The following DOCK2 variants were observed in gnomAD, a reference collection of about 807,000 sequenced individuals.
DOCK2 encodes dedicator of cytokinesis 2.
A neutral mutation model predicts 248.9 loss-of-function variants in DOCK2; 87 were observed. That is an observed-to-expected ratio of 0.35 (90% confidence interval 0.29 to 0.42). DOCK2 has a LOEUF of 0.42. Among genes scored for constraint, DOCK2 ranks in the 10% least tolerant of loss-of-function variants. The probability of loss-of-function intolerance (pLI) is 1.00; values close to 1 mark genes in which losing one functional copy is unlikely to be tolerated. For missense variants in DOCK2, 1,747 were observed against 2,300.2 expected (o/e 0.76, Z 4.92); for synonymous variants, 805 against 821.6 (o/e 0.98, Z 0.35).
intron 34 of DOCK2, among the ~76,000 whole-genome samples, chr5:170,029,601 G>A (rs564968711): frequency 1.1e-4 from 17 of 152,120 alleles, no homozygotes; most frequent in Non-Finnish European, 2.1e-4. Context: ...TCCATCTCCA[G>A]GACTTGCTCC....
chr5:170,046,391 G>A (rs1477140237), intron 39 of DOCK2, among the ~76,000 whole-genome samples: 3 of 152,178 alleles, frequency 2.0e-5, no homozygotes, highest in Non-Finnish European at 4.4e-5. Context: ...TGCTTGTACT[G>A]CAGAAGCCTG....
At chr5:169,748,974 A>G (rs1221073094) in intron 23 of DOCK2, among the ~76,000 whole-genome samples, 2 of 152,252 alleles carry the variant, frequency 1.3e-5, no homozygotes, top group African/African-American at 4.8e-5. Context: ...CTACATGCCC[A>G]CATCTCTCTG....
At chr5:169,963,375 A>G (rs1777169025) in intron 27 of DOCK2, among the ~76,000 whole-genome samples, 1 of 152,100 alleles carries the variant, frequency 6.6e-6, no homozygotes, top group African/African-American at 2.4e-5. Context: ...TTAGGCCTCC[A>G]TCCCTCTCTG....
chr5:169,745,791 C>T (rs1763577799), intron 22 of DOCK2, among the ~76,000 whole-genome samples: 1 of 152,140 alleles, frequency 6.6e-6, no homozygotes, highest in South Asian at 2.1e-4. Context: ...GCCTGCCGGG[C>T]AGTGGGGATT....
intron 25 of DOCK2, among the ~76,000 whole-genome samples, chr5:169,779,578 G>A (rs767533012): frequency 1.6e-4 from 25 of 152,184 alleles, no homozygotes; most frequent in Non-Finnish European, 3.2e-4. Context: ...CTCACAAGAT[G>A]ATTAGGTGGT....
At chr5:169,823,727 C>T (rs183941856) in intron 26 of DOCK2, among the ~76,000 whole-genome samples, 194 of 152,316 alleles carry the variant, frequency 1.3e-3, no homozygotes, top group Admixed American at 3.6e-3. Context: ...GGGACGCCCT[C>T]TCTCACCACT....
At chr5:169,853,010 G>A (rs1208413549) in intron 27 of DOCK2, among the ~76,000 whole-genome samples, 2 of 152,188 alleles carry the variant, frequency 1.3e-5, no homozygotes, top group Non-Finnish European at 2.9e-5. Context: ...CCCATGTGTT[G>A]TGGGAGGGAC....
intron 34 of DOCK2, among the ~76,000 whole-genome samples, chr5:170,033,338 A>G (rs924904032): frequency 6.6e-6 from 1 of 152,198 alleles, no homozygotes; most frequent in African/African-American, 2.4e-5. Flanking sequence ...TTTTGTTTTT[A>G]AAATTTAGAA....
At chr5:170,066,210 G>A (rs12657091) in intron 44 of DOCK2, among the ~76,000 whole-genome samples, 16,157 of 151,850 alleles carry the variant, frequency 0.11, 1,304 homozygotes, top group African/African-American at 0.23. Context: ...TCGGCCTCCC[G>A]CAAATGAAAA....
chr5:170,077,558 C>A, intron 47 of DOCK2, 152 bp from the exon 48 acceptor site: 5 of 1,054,120 alleles, frequency 4.7e-6, no homozygotes, highest in Non-Finnish European at 6.8e-6. Flanking sequence ...TCTACAAGAA[C>A]GCCCTAGCCT....
rs1470105127 is a variant in DOCK2, at chr5:169,820,856, AG to A, written c.2703+17651del. On this transcript the variant is annotated intron_variant, in intron 26 of 51. Transcript: ENST00000520908. ...AGGAAGTTCGAACCAATGGCAAAGA[AG>A]TTAAAAACCTTGAAAAAAGATTAGA... is the stretch of plus-strand genomic sequence containing the variant. 2.6e-5 allele frequency among the ~76,000 whole-genome samples: 4 copies of A among 152,244 alleles called. No individual in the cohort carries two copies. In the East Asian group the frequency reaches 7.7e-4, roughly 29 times the overall value.
rs1308123474 is a variant in DOCK2, at chr5:169,864,131, TC to T, written c.2799+23281del. On this transcript the variant is annotated intron_variant, in intron 27 of 51. Coordinates refer to ENST00000520908, the MANE Select transcript of DOCK2 (RefSeq NM_004946.3). The stretch of plus-strand genomic sequence containing the variant: ...GGTGTCCAGCAGCGGCTACATCAGC[TC>T]CAAGGCTCTTCTGTTTCACAGGCCA... The T allele has an allele frequency of 1.9e-5, 14 of 734,790 alleles. 1 individual carries two copies. The East Asian group carries it at 3.8e-4, about 20-fold the overall frequency. The allele number at this position is 734,790 out of a possible 1,614,324, so 45.5% of individuals were successfully genotyped here. A position where few individuals can be genotyped will look rare whatever the true frequency, so the allele number is the denominator to read the frequency against.
chr5:170,008,209 ACAACAACAACAAC>A (rs1755128962), intron 30 of DOCK2, among the ~76,000 whole-genome samples: 2 of 65,594 alleles, frequency 3.0e-5, no homozygotes, highest in East Asian at 3.0e-4. Flanking sequence ...AACAACAACA[ACAACAACAACAAC>A]AACAAAAAAA....
chr5:169,661,392 C>T (rs999843709), intron 2 of DOCK2, among the ~76,000 whole-genome samples: 7 of 152,144 alleles, frequency 4.6e-5, no homozygotes, highest in South Asian at 2.1e-4. Context: ...AAGATAGTTA[C>T]GATAGTGAAA....
At chr5:169,663,296 C>T (rs904990706) in intron 2 of DOCK2, among the ~76,000 whole-genome samples, 9 of 152,238 alleles carry the variant, frequency 5.9e-5, no homozygotes, top group African/African-American at 2.2e-4. Context: ...CCCACAGCTT[C>T]TTTCACAAGC....
intron 27 of DOCK2, among the ~76,000 whole-genome samples, chr5:169,849,462 A>T (rs1378235118): frequency 6.6e-6 from 1 of 152,258 alleles, no homozygotes; most frequent in Non-Finnish European, 1.5e-5. Context: ...CATTTTAAGG[A>T]TAATAATTGA....
intron 33 of DOCK2, among the ~76,000 whole-genome samples, chr5:170,026,019 C>T (rs981949972): frequency 3.9e-5 from 6 of 151,956 alleles, no homozygotes; most frequent in Non-Finnish European, 4.4e-5. Context: ...TTTCCAGGCC[C>T]GGTATATCTC....
intron 27 of DOCK2, among the ~76,000 whole-genome samples, chr5:169,947,056 A>G (rs1403336864): frequency 1.3e-5 from 2 of 152,208 alleles, no homozygotes; most frequent in African/African-American, 4.8e-5. Flanking sequence ...ACTGTTCTCA[A>G]TGCCTAACCT....
chr5:169,881,817 C>A (rs574918081), intron 27 of DOCK2, among the ~76,000 whole-genome samples: 2 of 152,184 alleles, frequency 1.3e-5, no homozygotes, highest in South Asian at 4.1e-4. Flanking sequence ...ATTCATACAG[C>A]AAACAGCAGT....
Sources: allele counts gnomAD v4.1 joint callset (sites outside exome capture counted in the v4.1 genomes callset), GRCh38; gene constraint gnomAD v4.1.1; transcripts MANE v1.5; gene names NCBI Gene and HGNC (gene_info 2026-07-23, HGNC 2026-07-21).